Variants in CBLN1 observed in about 807,000 individuals in gnomAD.
CBLN1 encodes cerebellin 1 precursor.
In CBLN1, 5 loss-of-function variants were observed where a neutral mutation model predicts 15.9. That is an observed-to-expected ratio of 0.31 (90% confidence interval 0.16 to 0.66). The LOEUF is 0.66. Ranked by LOEUF, CBLN1 falls within the 30% of genes least tolerant of loss-of-function variation. The pLI is 0.75. For missense variants in CBLN1, 164 were observed against 253.7 expected (o/e 0.65, Z 2.40); for synonymous variants, 90 against 107.6 (o/e 0.84, Z 1.01).
rs948109755 is a variant in CBLN1 at position 49,281,519 on chromosome 16, GC to G, written c.-55del. 8.5e-4 allele frequency: 960 copies of G among 1,135,402 alleles called. 6 individuals are homozygous for G. The African/African-American group carries it at 0.018, about 22-fold the overall frequency. The allele number at this position is 1,135,402 out of a possible 1,614,324, so 70.3% of individuals were successfully genotyped here. On this transcript the variant is annotated 5_prime_UTR_variant, in exon 1 of 3. Transcript: ENST00000219197. ...ACCCCCAGGGCTGCTCGCGCCAGCC[GC>G]CCCCCCCGTCCCAGTCCCGCTCCGA...
chr16:49,281,010 T>C lies in CBLN1; in HGVS notation c.297A>G (p.Ser99=), dbSNP rs1175629096. ...VLVNIGNNFD[S]ERSTFIAPRK... The stretch of plus-strand genomic sequence containing the variant: ...GCGGGGCGATGAAAGTGCTGCGTTC[T>C]GAATCAAAGTTGTTCCCAATGTTCA... Residue 99 remains serine, a synonymous_variant, in exon 2 of 3, where the codon TCA becomes TCG. Coordinates refer to ENST00000219197, the MANE Select transcript of CBLN1 (RefSeq NM_004352.4). The C allele has an allele frequency of 1.9e-6, 3 of 1,614,216 alleles. No homozygotes were observed. The East Asian group carries it at 6.7e-5, about 36-fold the overall frequency.
intron 2 of CBLN1, 38 bp downstream of exon 2, chr16:49,280,885 C>A (rs371075663): frequency 1.2e-6 from 2 of 1,613,722 alleles, no homozygotes; most frequent in Admixed American, 3.3e-5. Flanking sequence ...CAGTAACCCC[C>A]CTACGGGGCC....
In CBLN1 at chr16:49,280,926, T is replaced by G. The variant is rs61735589; in HGVS notation, c.381A>C (p.Ile127=). The G allele has an allele frequency of 0.06, 96,353 of 1,614,130 alleles. 3,089 individuals carry two copies. Among genetic ancestry groups the G allele is most frequent in the African/African-American group, 0.091 (6,844 of 75,044 alleles). Residue 127 remains isoleucine, a synonymous_variant, in exon 2 of 3, where the codon ATA becomes ATC. Transcript: ENST00000219197. ...CCGGCACGAGGCGTCGGCTGACCTG[T>G]ATGGTTTGTCTGTTGTAGACTTTTA... is the stretch of plus-strand genomic sequence containing the variant. ...HVVKVYNRQT[I]QVSLMLNGWP...
In CBLN1 at chr16:49,281,185, G is replaced by T. The variant is rs1363790438; in HGVS notation, c.264+17C>A. ...CACCAGCCCAATCTGCACGCCGCGG[G>T]AGGAAGGAACACTCACCTGGTCGAA... On this transcript the variant is annotated intron_variant, in intron 1 of 2. Coordinates refer to ENST00000219197, the MANE Select transcript of CBLN1 (RefSeq NM_004352.4). The T allele has an allele frequency of 1.2e-6, 2 of 1,614,082 alleles. No individual in the cohort carries two copies. Among genetic ancestry groups the T allele is most frequent in the Non-Finnish European group, 1.7e-6 (2 of 1,180,046 alleles).
chr16:49,280,952 C>A lies in CBLN1; in HGVS notation c.355G>T (p.Val119Leu), dbSNP rs763033206. 1 of 1,614,120 alleles carries A rather than the reference C, an allele frequency of 6.2e-7. No individual in the cohort carries two copies. Among genetic ancestry groups the A allele is most frequent in the Non-Finnish European group, 8.5e-7 (1 of 1,180,030 alleles). Residue 119 changes from valine (V) to leucine (L), a missense_variant, in exon 2 of 3, where the codon GTA becomes TTA. Val to Leu is a conservative substitution (Grantham distance 32). Coordinates refer to ENST00000219197, the MANE Select transcript of CBLN1 (RefSeq NM_004352.4). ...KGIYSFNFHV[V>L]KVYNRQTIQV... ...ATGGTTTGTCTGTTGTAGACTTTTACCACGTGGAAGTTAAAACTGTAGATC... is the reference window on the plus strand; with the variant it reads ...ATGGTTTGTCTGTTGTAGACTTTTAACACGTGGAAGTTAAAACTGTAGATC...
chr16:49,280,920 G>T lies in CBLN1; in HGVS notation c.384+3C>A. 2 of 1,614,222 alleles carry T rather than the reference G, an allele frequency of 1.2e-6. No homozygotes were observed. Among genetic ancestry groups the T allele is most frequent in the Non-Finnish European group, 1.7e-6 (2 of 1,180,032 alleles). On this transcript the variant is annotated splice_donor_region_variant and intron_variant, in intron 2 of 2. Transcript: ENST00000219197. ...CAGGGCCCGGCACGAGGCGTCGGCTGACCTGTATGGTTTGTCTGTTGTAGA... is the reference window on the plus strand; with the variant it reads ...CAGGGCCCGGCACGAGGCGTCGGCTTACCTGTATGGTTTGTCTGTTGTAGA...
At chr16:49,279,714 A>C in intron 2 of CBLN1, 113 bp from the exon 3 acceptor site, 6 of 164,740 alleles carry the variant, frequency 3.6e-5, no homozygotes, top group Non-Finnish European at 5.6e-5. Context: ...GGAAGCACGG[A>C]GAGGTGGGGG....
At chr16:49,280,886 C>T (rs758549268) in intron 2 of CBLN1, 37 bp downstream of exon 2, 82 of 1,613,716 alleles carry the variant, frequency 5.1e-5, no homozygotes, top group Non-Finnish European at 6.6e-5. Flanking sequence ...AGTAACCCCC[C>T]TACGGGGCCA....
Position 49,279,464 on chromosome 16 carries a change from T to C in CBLN1, c.522A>G (p.Gly174=). The C allele has an allele frequency of 1.2e-6, 2 of 1,614,158 alleles. No individual in the cohort carries two copies. Among genetic ancestry groups the C allele is most frequent in the South Asian group, 2.2e-5 (2 of 91,076 alleles). The change falls in exon 3 of 3, where the codon GGA becomes GGG. Residue 174 remains glycine (G), a synonymous_variant. Transcript: ENST00000219197. ...GDRAYLKLER[G]NLMGGWKYST... ...AGTACTTCCAGCCCCCCATCAAGTT[T>C]CCCCGCTCCAGCTTGAGGTATGCTC... is the stretch of plus-strand genomic sequence containing the variant.
At position 49,281,509 on chromosome 16, in the gene CBLN1, C is replaced by A; in HGVS notation, c.-44G>T. The A allele has an allele frequency of 1.0e-6, 1 of 984,432 alleles. No individual in the cohort carries two copies. The allele number at this position is 984,432 out of a possible 1,614,324, so 61.0% of individuals were successfully genotyped here. On this transcript the variant is annotated 5_prime_UTR_variant, in exon 1 of 3. Coordinates refer to ENST00000219197, the MANE Select transcript of CBLN1 (RefSeq NM_004352.4). ...CCCGCCCCCCACCCCCAGGGCTGCT[C>A]GCGCCAGCCGCCCCCCCCGTCCCAG... is the stretch of plus-strand genomic sequence containing the variant.
At chr16:49,281,076 G>A in intron 1 of CBLN1, 34 bp from the exon 2 acceptor site, 1 of 1,614,244 alleles carries the variant, frequency 6.2e-7, no homozygotes, top group South Asian at 1.1e-5. Flanking sequence ...GGAGTGGGCA[G>A]GAATCGGTCC....
chr16:49,281,509 C>T lies in CBLN1; in HGVS notation c.-44G>A, dbSNP rs1474270144. Reference sequence around the variant, plus strand: ...CCCGCCCCCCACCCCCAGGGCTGCTCGCGCCAGCCGCCCCCCCCGTCCCAG... The same window carrying T: ...CCCGCCCCCCACCCCCAGGGCTGCTTGCGCCAGCCGCCCCCCCCGTCCCAG... On this transcript the variant is annotated 5_prime_UTR_variant, in exon 1 of 3. Transcript: ENST00000219197. The T allele has an allele frequency of 4.1e-6, 4 of 984,374 alleles. No homozygotes were observed. In the Admixed American group the frequency reaches 1.7e-4, roughly 42 times the overall value. The allele number at this position is 984,374 out of a possible 1,614,324, so 61.0% of individuals were successfully genotyped here.
At chr16:49,280,291 G>A (rs545493168) in intron 2 of CBLN1, among the ~76,000 whole-genome samples, 10 of 152,318 alleles carry the variant, frequency 6.6e-5, no homozygotes, top group African/African-American at 2.4e-4. Context: ...CGGCGCCCAA[G>A]GGAAACCTGG....
Position 49,281,474 on chromosome 16 carries a change from C to T in CBLN1, c.-9G>A. 3 of 1,461,186 alleles carry T rather than the reference C, an allele frequency of 2.1e-6. No individual in the cohort carries two copies. The highest frequency in any genetic ancestry group is 2.7e-6 in the Non-Finnish European group (3 of 1,116,060). The allele number at this position is 1,461,186 out of a possible 1,614,324, so 90.5% of individuals were successfully genotyped here. A position where few individuals can be genotyped will look rare whatever the true frequency, so the allele number is the denominator to read the frequency against. On this transcript the variant is annotated 5_prime_UTR_variant, in exon 1 of 3. Coordinates refer to ENST00000219197, the MANE Select transcript of CBLN1 (RefSeq NM_004352.4). ...TCCAGGACGCCCAGCATCGCGCCGC[C>T]GGCGCCCACCCCGCCCCCCACCCCC...
chr16:49,280,055 G>A (rs1963243196), intron 2 of CBLN1, among the ~76,000 whole-genome samples: 1 of 152,100 alleles, frequency 6.6e-6, no homozygotes. Context: ...CAAACAAAAA[G>A]CCCCTGATCC....
intron 2 of CBLN1, among the ~76,000 whole-genome samples, chr16:49,280,606 G>A (rs1248473366): frequency 3.3e-5 from 5 of 152,206 alleles, no homozygotes; most frequent in African/African-American, 9.7e-5. Context: ...GGCTTCCCAA[G>A]CGGCAGCTGT....
At position 49,279,368 on chromosome 16, in the gene CBLN1, C is replaced by A; in HGVS notation, c.*36G>T. On this transcript the variant is annotated 3_prime_UTR_variant, in exon 3 of 3. Transcript: ENST00000219197. ...TCTTTCTCACTCCCCTTCCTGCCTTCGCCCTCTCCCTGCCTCCCTTCCGGC... is the reference window on the plus strand; with the variant it reads ...TCTTTCTCACTCCCCTTCCTGCCTTAGCCCTCTCCCTGCCTCCCTTCCGGC... 1 of 1,597,588 alleles carries A rather than the reference C, an allele frequency of 6.3e-7. No homozygotes were observed. Among genetic ancestry groups the A allele is most frequent in the Non-Finnish European group, 8.6e-7 (1 of 1,165,070 alleles).
intron 2 of CBLN1, 73 bp downstream of exon 2, chr16:49,280,850 C>G (rs1026635956): frequency 1.3e-6 from 2 of 1,579,372 alleles, no homozygotes; most frequent in African/African-American, 2.7e-5. Context: ...CTACCACCTC[C>G]GGACAGCCCG....
chr16:49,281,564 G>T lies in CBLN1; in HGVS notation c.-99C>A. 1.3e-6 allele frequency: 1 copy of T among 790,490 alleles called. No homozygotes were observed. The highest frequency in any genetic ancestry group is 1.7e-6 in the Non-Finnish European group (1 of 578,202). 49.0% of individuals were successfully genotyped at this position (790,490 alleles called of 1,614,324 possible). The stretch of plus-strand genomic sequence containing the variant: ...GCTCCGAAGCCCCCTCCTCAGCTCC[G>T]TGCGCAGCTCCGCCGCCGCCGCTCT... On this transcript the variant is annotated 5_prime_UTR_variant, in exon 1 of 3. Coordinates refer to ENST00000219197, the MANE Select transcript of CBLN1 (RefSeq NM_004352.4).
Sources: gnomAD v4.1 joint callset for allele counts (sites outside exome capture counted in the v4.1 genomes callset) on GRCh38, gnomAD v4.1.1 for gene constraint, MANE v1.5 for transcripts, NCBI Gene and HGNC (gene_info 2026-07-23, HGNC 2026-07-21) for gene names.